Variants in FHIT observed in about 807,000 individuals in gnomAD.
The protein encoded by FHIT is fragile histidine triad diadenosine triphosphatase.
In FHIT, 19 loss-of-function variants were observed where a neutral mutation model predicts 17.9. The ratio of observed to expected loss-of-function variants is 1.06; its 90% CI spans 0.74 to 1.56. The LOEUF is 1.56. FHIT is among the 40% of genes most tolerant of loss of function. The probability of loss-of-function intolerance (pLI) is 0.00; values close to 1 mark genes in which losing one functional copy is unlikely to be tolerated. For synonymous variants in FHIT, 81 were observed against 69.7 expected, an observed-to-expected ratio of 1.16 and a Z score of -0.81; for missense variants, 248 against 189.2, an observed-to-expected ratio of 1.31 and a Z score of -1.82.
chr3:61,212,508 C>G (rs533426344), intron 1 of FHIT, among the ~76,000 whole-genome samples: 38 of 152,254 alleles, frequency 2.5e-4, no homozygotes, highest in South Asian at 6.2e-4. Flanking sequence ...TATGTGAAAA[C>G]ACCAAATCTA....
At chr3:60,463,119 ATCTTT>A (rs1186094991) in intron 5 of FHIT, among the ~76,000 whole-genome samples, 1 of 152,158 alleles carries the variant, frequency 6.6e-6, no homozygotes, top group East Asian at 1.9e-4. Flanking sequence ...TCTCTTCAAA[ATCTTT>A]TCTTCATTTG....
chr3:61,103,859 A>G (rs1268544274), intron 2 of FHIT, among the ~76,000 whole-genome samples: 1 of 148,944 alleles, frequency 6.7e-6, no homozygotes, highest in African/African-American at 2.5e-5. Flanking sequence ...CTGTTTTATC[A>G]GAGACTAGGA....
intron 1 of FHIT, chr3:61,243,907 T>C (rs922019888): frequency 6.6e-6 from 1 of 152,230 alleles, no homozygotes; most frequent in African/African-American, 2.4e-5. Context: ...TCAAATTCCA[T>C]GACAGCTTTG....
At chr3:60,886,280 C>G (rs1553759235) in intron 3 of FHIT, among the ~76,000 whole-genome samples, 1 of 152,172 alleles carries the variant, frequency 6.6e-6, no homozygotes, top group Non-Finnish European at 1.5e-5. Context: ...TGCTTGCCAT[C>G]CAAATTACAA....
At chr3:60,328,411 G>T (rs538385369) in intron 5 of FHIT, among the ~76,000 whole-genome samples, 1 of 152,304 alleles carries the variant, frequency 6.6e-6, no homozygotes, top group South Asian at 2.1e-4. Flanking sequence ...CAATCATGGA[G>T]GAAGGCGAAG....
At chr3:60,265,310 T>C (rs1706515191) in intron 5 of FHIT, among the ~76,000 whole-genome samples, 1 of 152,006 alleles carries the variant, frequency 6.6e-6, no homozygotes, top group Admixed American at 6.6e-5. Flanking sequence ...CTTAAAACAT[T>C]AAGCAAACAG....
chr3:60,910,599 A>G (rs1245524463), intron 3 of FHIT, among the ~76,000 whole-genome samples: 1 of 151,970 alleles, frequency 6.6e-6, no homozygotes, highest in African/African-American at 2.4e-5. Context: ...TTTTTAGCAG[A>G]GACGGGGTTT....
intron 5 of FHIT, among the ~76,000 whole-genome samples, chr3:60,251,755 T>A (rs560590639): frequency 1.5e-3 from 235 of 152,304 alleles, no homozygotes; most frequent in African/African-American, 5.4e-3. Flanking sequence ...CTACACAGCA[T>A]ACCTTTCTTT....
intron 4 of FHIT, among the ~76,000 whole-genome samples, chr3:60,769,545 G>T (rs1699970822): frequency 6.6e-6 from 1 of 152,192 alleles, no homozygotes; most frequent in African/African-American, 2.4e-5. Flanking sequence ...CACGAATCGG[G>T]CAGCCCCCAG....
chr3:60,440,253 T>C (rs1462160944), intron 5 of FHIT, among the ~76,000 whole-genome samples: 4 of 152,110 alleles, frequency 2.6e-5, no homozygotes, highest in Non-Finnish European at 5.9e-5. Context: ...CAGTCATCAG[T>C]TCCCAAGACT....
intron 2 of FHIT, among the ~76,000 whole-genome samples, chr3:61,144,445 G>T (rs1235921509): frequency 6.6e-6 from 1 of 152,140 alleles, no homozygotes. Context: ...ATTCATTGTA[G>T]ATAGATATTT....
chr3:60,964,419 T>G (rs1487719953), intron 3 of FHIT, among the ~76,000 whole-genome samples: 4 of 152,176 alleles, frequency 2.6e-5, no homozygotes, highest in African/African-American at 9.7e-5. Context: ...ATTGGAGCAT[T>G]TAGTCCATTT....
chr3:60,394,586 G>A (rs1701360350), intron 5 of FHIT, among the ~76,000 whole-genome samples: 1 of 152,158 alleles, frequency 6.6e-6, no homozygotes, highest in Non-Finnish European at 1.5e-5. Context: ...CCTGAACTGA[G>A]TATATGCACC....
chr3:60,685,511 C>T (rs1453739936), intron 4 of FHIT, among the ~76,000 whole-genome samples: 1 of 152,100 alleles, frequency 6.6e-6, no homozygotes, highest in Non-Finnish European at 1.5e-5. Flanking sequence ...TGCTTTTTGT[C>T]AAGAGATTGC....
At chr3:60,807,607 A>G (rs1286980471) in intron 4 of FHIT, among the ~76,000 whole-genome samples, 1 of 151,974 alleles carries the variant, frequency 6.6e-6, no homozygotes, top group Non-Finnish European at 1.5e-5. Flanking sequence ...GTAAAATAAA[A>G]TATTTCCTGA....
intron 3 of FHIT, among the ~76,000 whole-genome samples, chr3:60,845,332 CAAACAAAA>C (rs1381227771): frequency 2.0e-5 from 3 of 151,268 alleles, no homozygotes; most frequent in African/African-American, 7.3e-5. Context: ...AACAAACAAA[CAAACAAAA>C]AAAAAAACCA....
chr3:60,646,472 G>A (rs1467515254), intron 4 of FHIT, among the ~76,000 whole-genome samples: 2 of 151,966 alleles, frequency 1.3e-5, no homozygotes, highest in Non-Finnish European at 2.9e-5. Context: ...AAAACATTTT[G>A]GATCTATTCA....
intron 5 of FHIT, among the ~76,000 whole-genome samples, chr3:60,514,549 C>T (rs1195340638): frequency 1.3e-5 from 2 of 152,174 alleles, no homozygotes; most frequent in East Asian, 1.9e-4. Flanking sequence ...CAGGGCTTAA[C>T]ACCAGGTGAC....
At chr3:59,795,666 G>A (rs1463345985) in intron 8 of FHIT, among the ~76,000 whole-genome samples, 1 of 152,118 alleles carries the variant, frequency 6.6e-6, no homozygotes, top group Non-Finnish European at 1.5e-5. Flanking sequence ...GTTTGAGGCT[G>A]CGGTGAGCTA....
Sources: allele counts gnomAD v4.1 joint callset (sites outside exome capture counted in the v4.1 genomes callset), GRCh38; gene constraint gnomAD v4.1.1; transcripts MANE v1.5; gene names NCBI Gene and HGNC (gene_info 2026-07-23, HGNC 2026-07-21).